Variants in MAF observed in about 807,000 individuals in gnomAD.
The protein encoded by MAF is transcription factor Maf.
In MAF, 10 loss-of-function variants were observed where a neutral mutation model predicts 22.0. That is an observed-to-expected ratio of 0.45 (90% CI 0.28 to 0.77). The LOEUF (loss-of-function observed/expected upper bound fraction) is 0.77. MAF is among the 30% of genes least tolerant of loss of function. The probability of loss-of-function intolerance (pLI) is 0.12; values close to 1 mark genes in which losing one functional copy is unlikely to be tolerated. For synonymous variants in MAF, 337 were observed against 255.8 expected, an observed-to-expected ratio of 1.32 and a Z score of -3.03; for missense variants, 544 against 548.4, an observed-to-expected ratio of 0.99 and a Z score of 0.08.
intron 1 of MAF, chr16:79,594,846 C>T: frequency 1.6e-6 from 2 of 1,232,052 alleles, no homozygotes; most frequent in East Asian, 3.6e-5. Flanking sequence ...TTTTTGCCAG[C>T]ACCTTTGCAT....
At chr16:79,413,456 A>C in the MAF span, among the ~76,000 whole-genome samples, 18 of 148,800 alleles carry the variant, frequency 1.2e-4, no homozygotes, top group Admixed American at 9.4e-4. Flanking sequence ...CATGGTCTCG[A>C]TCTCCTGACC....
At chr16:79,467,539 A>T in the MAF span, among the ~76,000 whole-genome samples, 1 of 152,222 alleles carries the variant, frequency 6.6e-6, no homozygotes, top group Non-Finnish European at 1.5e-5. Flanking sequence ...TGTAAGTAGG[A>T]TGTGAACCCA....
the MAF span, among the ~76,000 whole-genome samples, chr16:79,559,978 G>A: frequency 4.6e-5 from 7 of 152,086 alleles, no homozygotes; most frequent in Admixed American, 6.5e-5. Flanking sequence ...ATCACAGTTC[G>A]CTGCAGCTGT....
chr16:79,276,533 A>G, the MAF span, among the ~76,000 whole-genome samples: 4 of 152,208 alleles, frequency 2.6e-5, no homozygotes, highest in African/African-American at 9.7e-5. Context: ...AGAAACTTTT[A>G]AAATTTGGGT....
chr16:79,223,553 A>G, the MAF span, among the ~76,000 whole-genome samples: 1 of 152,216 alleles, frequency 6.6e-6, no homozygotes, highest in Non-Finnish European at 1.5e-5. Context: ...AAAACCCTTC[A>G]AAAAATCAAT....
chr16:79,503,036 C>G, the MAF span, among the ~76,000 whole-genome samples: 641 of 152,064 alleles, frequency 4.2e-3, 1 homozygote, highest in African/African-American at 0.015. Context: ...AACTATCTAA[C>G]ATTCTCAAGT....
the MAF span, among the ~76,000 whole-genome samples, chr16:79,396,845 A>G: frequency 6.6e-6 from 1 of 152,226 alleles, no homozygotes; most frequent in African/African-American, 2.4e-5. Flanking sequence ...CGAACTTAGG[A>G]AACACTGGCA....
the MAF span, among the ~76,000 whole-genome samples, chr16:79,231,619 T>A: frequency 2.0e-5 from 3 of 152,018 alleles, no homozygotes; most frequent in African/African-American, 7.2e-5. Context: ...GGTTCTTATG[T>A]TGCAAAAAGA....
At chr16:79,546,939 T>C in the MAF span, among the ~76,000 whole-genome samples, 1 of 152,144 alleles carries the variant, frequency 6.6e-6, no homozygotes, top group African/African-American at 2.4e-5. Context: ...CTAAGCCAAA[T>C]ATTAGGATAT....
the MAF span, among the ~76,000 whole-genome samples, chr16:79,559,410 C>T: frequency 6.6e-6 from 1 of 152,130 alleles, no homozygotes; most frequent in African/African-American, 2.4e-5. Flanking sequence ...GAAAAATAAA[C>T]TGGGTCTTCC....
chr16:79,308,553 A>G, the MAF span, among the ~76,000 whole-genome samples: 1 of 152,320 alleles, frequency 6.6e-6, no homozygotes, highest in Non-Finnish European at 1.5e-5. Flanking sequence ...AAAGCCTGGG[A>G]TCATAAAGTA....
chr16:79,426,780 G>A, the MAF span, among the ~76,000 whole-genome samples: 1 of 152,254 alleles, frequency 6.6e-6, no homozygotes, highest in Admixed American at 6.5e-5. Context: ...TTTAGACAAA[G>A]GGTGGTTTTT....
chr16:79,363,793 G>C, the MAF span, among the ~76,000 whole-genome samples: 7 of 152,172 alleles, frequency 4.6e-5, no homozygotes, highest in African/African-American at 1.7e-4. Flanking sequence ...GGATCATTAA[G>C]AGTTGACTAG....
At chr16:79,484,219 A>G in the MAF span, among the ~76,000 whole-genome samples, 2 of 152,228 alleles carry the variant, frequency 1.3e-5, no homozygotes, top group Non-Finnish European at 2.9e-5. Flanking sequence ...GCAACCGTCC[A>G]GGTCCCCTGA....
chr16:79,451,279 T>C, the MAF span, among the ~76,000 whole-genome samples: 1 of 152,206 alleles, frequency 6.6e-6, no homozygotes, highest in South Asian at 2.1e-4. Context: ...CATTTATAAG[T>C]GCCCATGTCT....
At chr16:79,383,608 A>C in the MAF span, among the ~76,000 whole-genome samples, 1 of 152,276 alleles carries the variant, frequency 6.6e-6, no homozygotes, top group African/African-American at 2.4e-5. Context: ...TTATCAGCAG[A>C]CTTGTAGCTA....
chr16:79,346,425 G>C, the MAF span, among the ~76,000 whole-genome samples: 6 of 151,738 alleles, frequency 4.0e-5, no homozygotes, highest in African/African-American at 1.5e-4. Context: ...TGGCTACAAT[G>C]AATACTGCTA....
chr16:79,491,033 T>C, the MAF span, among the ~76,000 whole-genome samples: 4 of 152,004 alleles, frequency 2.6e-5, no homozygotes, highest in African/African-American at 9.7e-5. Context: ...TGAGAATCAA[T>C]AAATGGAAAC....
chr16:79,341,131 G>C, the MAF span, among the ~76,000 whole-genome samples: 8 of 152,270 alleles, frequency 5.3e-5, no homozygotes, highest in African/African-American at 1.9e-4. Flanking sequence ...TGGGCACACA[G>C]TGGGCTGGCA....
Sources: allele counts gnomAD v4.1 joint callset (sites outside exome capture counted in the v4.1 genomes callset), GRCh38; gene constraint gnomAD v4.1.1; transcripts MANE v1.5; gene names NCBI Gene and HGNC (gene_info 2026-07-23, HGNC 2026-07-21).